FAM185A: variants seen among roughly 807,000 people sequenced by gnomAD.
The protein encoded by FAM185A is family with sequence similarity 185 member A.
FAM185A carries 21 observed loss-of-function variants against 45.7 expected under a neutral mutation model. The observed-to-expected ratio is 0.46, with a 90% confidence interval of 0.33 to 0.66. FAM185A has a LOEUF of 0.66. Among genes scored for constraint, FAM185A ranks in the 30% least tolerant of loss-of-function variants. The pLI is 0.03. For synonymous variants in FAM185A, 117 were observed against 194.0 expected (o/e 0.60, Z 3.30); for missense variants, 305 against 485.4 (o/e 0.63, Z 3.49).
the FAM185A span, among the ~76,000 whole-genome samples, chr7:102,841,297 C>CTAA: frequency 1.3e-5 from 2 of 151,284 alleles, no homozygotes; most frequent in Non-Finnish European, 1.5e-5. Context: ...AAAGGATAAA[C>CTAA]TAATGTTCCA....
At chr7:102,831,431 A>ACACACACCC in the FAM185A span, among the ~76,000 whole-genome samples, 2 of 147,126 alleles carry the variant, frequency 1.4e-5, no homozygotes, top group African/African-American at 2.5e-5. Flanking sequence ...ACACACACAC[A>ACACACACCC]CCCCACTACA....
intron 7 of FAM185A, among the ~76,000 whole-genome samples, chr7:102,792,725 A>T (rs1287250332): frequency 2.8e-5 from 4 of 140,848 alleles, no homozygotes; most frequent in African/African-American, 1.1e-4. Context: ...ATTTTAGTAA[A>T]ACTGGAAATA....
chr7:102,822,479 G>A, the FAM185A span: 1 of 568,626 alleles, frequency 1.8e-6, no homozygotes, highest in East Asian at 4.1e-5. Context: ...TCTAGTCTTT[G>A]TCTTCTTATA....
At chr7:102,822,614 G>A in the FAM185A span, among the ~76,000 whole-genome samples, 3 of 152,154 alleles carry the variant, frequency 2.0e-5, no homozygotes, top group Admixed American at 6.5e-5. Context: ...AATTTTTGGA[G>A]GACAAACATT....
chr7:102,806,954 T>C (rs1348874552), intron 7 of FAM185A, among the ~76,000 whole-genome samples: 1 of 152,106 alleles, frequency 6.6e-6, no homozygotes, highest in African/African-American at 2.4e-5. Context: ...CAGAGGGGAT[T>C]GCGGAGGGTG....
chr7:102,812,139 C>T (rs1329776841), downstream of FAM185A, among the ~76,000 whole-genome samples: 1 of 152,122 alleles, frequency 6.6e-6, no homozygotes, highest in Non-Finnish European at 1.5e-5. Flanking sequence ...GGCTTGTTTG[C>T]GGCAGTCAGA....
chr7:102,822,035 C>G, the FAM185A span: 1 of 1,614,094 alleles, frequency 6.2e-7, no homozygotes, highest in Non-Finnish European at 8.5e-7. Context: ...CAGGTACATA[C>G]TTACTTGGAA....
intron 5 of FAM185A, among the ~76,000 whole-genome samples, chr7:102,775,265 A>C (rs929194232): frequency 6.6e-6 from 1 of 152,206 alleles, no homozygotes; most frequent in Non-Finnish European, 1.5e-5. Flanking sequence ...TGTGCTATAC[A>C]TTAGATCTAC....
At chr7:102,843,651 C>T in the FAM185A span, among the ~76,000 whole-genome samples, 1 of 152,038 alleles carries the variant, frequency 6.6e-6, no homozygotes, top group Admixed American at 6.6e-5. Flanking sequence ...TCGTGGGCAC[C>T]TGTAATCCCA....
chr7:102,847,251 T>A, the FAM185A span, among the ~76,000 whole-genome samples: 7 of 151,812 alleles, frequency 4.6e-5, no homozygotes, highest in East Asian at 1.4e-3. Flanking sequence ...CAAGCTCCTG[T>A]CTGCTTCACA....
chr7:102,827,620 C>G, the FAM185A span, among the ~76,000 whole-genome samples: 1 of 151,888 alleles, frequency 6.6e-6, no homozygotes, highest in African/African-American at 2.4e-5. Flanking sequence ...TGGTGTGCTG[C>G]ACCCATTAAC....
intron 6 of FAM185A, among the ~76,000 whole-genome samples, chr7:102,780,701 C>A (rs915344184): frequency 1.3e-5 from 2 of 152,154 alleles, no homozygotes; most frequent in East Asian, 3.9e-4. Context: ...ATGCTGAATA[C>A]GAACAGCTCC....
chr7:102,834,131 AAAGAAAG>A, the FAM185A span, among the ~76,000 whole-genome samples: 2 of 101,486 alleles, frequency 2.0e-5, no homozygotes, highest in South Asian at 3.1e-4. Flanking sequence ...AGAAAGAAAG[AAAGAAAG>A]AAAAGAGAAG....
chr7:102,780,776 C>G (rs532824311), intron 6 of FAM185A, among the ~76,000 whole-genome samples: 3 of 152,306 alleles, frequency 2.0e-5, no homozygotes, highest in Non-Finnish European at 2.9e-5. Flanking sequence ...CACTGAGGTA[C>G]CAGGTTCATC....
At chr7:102,843,862 G>A in the FAM185A span, among the ~76,000 whole-genome samples, 5 of 152,200 alleles carry the variant, frequency 3.3e-5, no homozygotes, top group African/African-American at 1.2e-4. Flanking sequence ...GACGGGGCCT[G>A]AAGAGGACAA....
chr7:102,764,853 T>C (rs1390231111), intron 4 of FAM185A, among the ~76,000 whole-genome samples: 1 of 152,178 alleles, frequency 6.6e-6, no homozygotes, highest in African/African-American at 2.4e-5. Context: ...CATATAGATG[T>C]TGTAAAAACC....
At chr7:102,841,232 CT>C in the FAM185A span, among the ~76,000 whole-genome samples, 1 of 151,408 alleles carries the variant, frequency 6.6e-6, no homozygotes, top group African/African-American at 2.4e-5. Context: ...AAATTTTTGC[CT>C]TCAGACAATC....
At chr7:102,777,960 AT>A (rs1795168682) in intron 6 of FAM185A, among the ~76,000 whole-genome samples, 1 of 152,200 alleles carries the variant, frequency 6.6e-6, no homozygotes, top group African/African-American at 2.4e-5. Flanking sequence ...TTCTGCACAC[AT>A]GGATGTACAC....
At chr7:102,784,512 T>C (rs12672488) in intron 6 of FAM185A, among the ~76,000 whole-genome samples, 29,670 of 151,996 alleles carry the variant, frequency 0.2, 3,315 homozygotes, top group East Asian at 0.53. Context: ...ATCCCTGGGA[T>C]GCAAGGCTGG....
Sources: gnomAD v4.1 joint callset for allele counts (sites outside exome capture counted in the v4.1 genomes callset) on GRCh38, gnomAD v4.1.1 for gene constraint, MANE v1.5 for transcripts, NCBI Gene and HGNC (gene_info 2026-07-23, HGNC 2026-07-21) for gene names.